The following BLTP3B variants were observed in gnomAD, a reference collection of about 807,000 sequenced individuals.
The protein encoded by BLTP3B is bridge-like lipid transfer protein family member 3B, also known as UHRF1 (ICBP90) binding protein 1-like.
the BLTP3B span, among the ~76,000 whole-genome samples, chr12:100,092,189 T>C: frequency 3.9e-5 from 6 of 152,198 alleles, no homozygotes; most frequent in African/African-American, 2.4e-5. Context: ...ATACTTATAA[T>C]AGAAAACAAC....
At chr12:100,119,320 CAT>C in the BLTP3B span, among the ~76,000 whole-genome samples, 1 of 151,990 alleles carries the variant, frequency 6.6e-6, no homozygotes, top group Non-Finnish European at 1.5e-5. Context: ...AGAAATAAAA[CAT>C]ATTAGTGGAT....
chr12:100,062,260 A>G, the BLTP3B span, among the ~76,000 whole-genome samples: 1 of 152,240 alleles, frequency 6.6e-6, no homozygotes, highest in Non-Finnish European at 1.5e-5. Context: ...GTTTGAGCAG[A>G]TATCTAAAAC....
At chr12:100,063,098 C>T in the BLTP3B span, among the ~76,000 whole-genome samples, 2 of 152,104 alleles carry the variant, frequency 1.3e-5, no homozygotes, top group Non-Finnish European at 2.9e-5. Flanking sequence ...AGCTCCGACT[C>T]GGATGGACGT....
the BLTP3B span, among the ~76,000 whole-genome samples, chr12:100,062,261 T>C: frequency 6.6e-6 from 1 of 152,252 alleles, no homozygotes; most frequent in Non-Finnish European, 1.5e-5. Flanking sequence ...TTTGAGCAGA[T>C]ATCTAAAACT....
the BLTP3B span, among the ~76,000 whole-genome samples, chr12:100,091,939 G>T: frequency 2.0e-5 from 3 of 151,634 alleles, no homozygotes; most frequent in Non-Finnish European, 2.9e-5. Context: ...CTCCTGAGTG[G>T]CTGGGATTAC....
chr12:100,142,806 G>A, the BLTP3B span: 2 of 974,420 alleles, frequency 2.1e-6, no homozygotes, highest in Non-Finnish European at 2.9e-6. Context: ...CGAGAACCCG[G>A]AGCATCACGC....
chr12:100,108,873 TG>T, the BLTP3B span, among the ~76,000 whole-genome samples: 1 of 151,958 alleles, frequency 6.6e-6, no homozygotes, highest in Non-Finnish European at 1.5e-5. Context: ...ATTGAATACA[TG>T]GAGATCAAGA....
chr12:100,042,671 A>G, the BLTP3B span, among the ~76,000 whole-genome samples: 7 of 152,240 alleles, frequency 4.6e-5, no homozygotes, highest in Non-Finnish European at 8.8e-5. Flanking sequence ...TGTCTTAAGA[A>G]ATTGCCATAG....
the BLTP3B span, among the ~76,000 whole-genome samples, chr12:100,080,709 G>C: frequency 6.6e-6 from 1 of 152,146 alleles, no homozygotes; most frequent in Non-Finnish European, 1.5e-5. Context: ...GTCTCAGACA[G>C]GACATTGGAC....
chr12:100,050,257 T>A, the BLTP3B span: 1 of 1,611,872 alleles, frequency 6.2e-7, no homozygotes, highest in Admixed American at 1.7e-5. Context: ...GATTTCTGTA[T>A]CTTCCCCTCG....
chr12:100,080,155 C>T, the BLTP3B span, among the ~76,000 whole-genome samples: 1 of 152,166 alleles, frequency 6.6e-6, no homozygotes, highest in Non-Finnish European at 1.5e-5. Context: ...TACTGGGGTA[C>T]CACCTAGTGG....
chr12:100,088,914 C>G, the BLTP3B span: 1 of 1,544,230 alleles, frequency 6.5e-7, no homozygotes, highest in Non-Finnish European at 8.7e-7. Flanking sequence ...AGTTATTTTA[C>G]CTTTTTCTTT....
At chr12:100,078,276 C>T in the BLTP3B span, among the ~76,000 whole-genome samples, 13 of 152,246 alleles carry the variant, frequency 8.5e-5, no homozygotes, top group South Asian at 4.1e-4. Context: ...TGCCATGTGA[C>T]GTGCCTGCTC....
the BLTP3B span, among the ~76,000 whole-genome samples, chr12:100,100,727 ATTT>A: frequency 1.4e-5 from 2 of 144,838 alleles, no homozygotes; most frequent in Non-Finnish European, 3.1e-5. Context: ...TTCACATTCT[ATTT>A]TTTTTTTTTT....
chr12:100,074,372 G>A, the BLTP3B span, among the ~76,000 whole-genome samples: 15 of 152,118 alleles, frequency 9.9e-5, no homozygotes, highest in African/African-American at 3.6e-4. Flanking sequence ...GCTGAGGCGG[G>A]CAGATCATTT....
the BLTP3B span, among the ~76,000 whole-genome samples, chr12:100,115,839 C>G: frequency 4.6e-5 from 7 of 151,954 alleles, no homozygotes; most frequent in Non-Finnish European, 1.0e-4. Flanking sequence ...GAAATGAGGG[C>G]TGGTTTAAAA....
At chr12:100,099,267 T>C in the BLTP3B span, among the ~76,000 whole-genome samples, 1 of 151,638 alleles carries the variant, frequency 6.6e-6, no homozygotes, top group Non-Finnish European at 1.5e-5. Flanking sequence ...GTGATGGGAT[T>C]ACAGGCGTGA....
the BLTP3B span, among the ~76,000 whole-genome samples, chr12:100,123,820 G>A: frequency 0.014 from 2,113 of 150,814 alleles, 18 homozygotes; most frequent in Non-Finnish European, 0.021. Context: ...GTAATTATGC[G>A]TGTAATGAAA....
chr12:100,085,439 T>C, the BLTP3B span, among the ~76,000 whole-genome samples: 1 of 152,148 alleles, frequency 6.6e-6, no homozygotes, highest in Non-Finnish European at 1.5e-5. Context: ...TAAGTTAATT[T>C]ATGAGTCAGG....
Sources: allele counts gnomAD v4.1 joint callset (sites outside exome capture counted in the v4.1 genomes callset), GRCh38; gene constraint gnomAD v4.1.1; transcripts MANE v1.5; gene names NCBI Gene and HGNC (gene_info 2026-07-23, HGNC 2026-07-21).